OTUD7A: variants seen among roughly 807,000 people sequenced by gnomAD.
The protein encoded by OTUD7A is OTU deubiquitinase 7A.
In OTUD7A, 12 loss-of-function variants were observed where a neutral mutation model predicts 65.7. That is an observed-to-expected ratio of 0.18 (90% CI 0.12 to 0.30). OTUD7A has a LOEUF of 0.30. Ranked by LOEUF, OTUD7A falls within the 10% of genes least tolerant of loss-of-function variation. The pLI is 1.00. For missense variants in OTUD7A, 1,148 were observed against 1,304.8 expected (o/e 0.88, Z 1.85); for synonymous variants, 641 against 586.3 (o/e 1.09, Z -1.35).
chr15:31,728,547 G>A (rs1157555917), intron 1 of OTUD7A, among the ~76,000 whole-genome samples: 2 of 152,194 alleles, frequency 1.3e-5, no homozygotes, highest in Non-Finnish European at 2.9e-5. Context: ...CTCTACGCAT[G>A]ACCTTTCTTT....
chr15:31,781,439 T>C (rs992992270), intron 1 of OTUD7A, among the ~76,000 whole-genome samples: 12 of 152,174 alleles, frequency 7.9e-5, no homozygotes, highest in African/African-American at 2.4e-4. Context: ...CCAGACATCA[T>C]GGACCACACA....
intron 10 of OTUD7A, among the ~76,000 whole-genome samples, chr15:31,499,644 G>A (rs951206424): frequency 6.6e-6 from 1 of 152,268 alleles, no homozygotes; most frequent in Non-Finnish European, 1.5e-5. Context: ...GTGACAAAGA[G>A]CGTGGCCATG....
intron 3 of OTUD7A, among the ~76,000 whole-genome samples, chr15:31,629,186 T>G (rs1891061443): frequency 6.6e-6 from 1 of 152,206 alleles, no homozygotes; most frequent in Admixed American, 6.5e-5. Context: ...TCAAAGGGAA[T>G]GCTTCCAGTT....
intron 10 of OTUD7A, among the ~76,000 whole-genome samples, chr15:31,497,370 C>T (rs541426111): frequency 6.6e-6 from 1 of 152,146 alleles, no homozygotes; most frequent in Non-Finnish European, 1.5e-5. Flanking sequence ...CTGTCACAGC[C>T]TCCTGAGTAG....
At chr15:31,817,325 G>C (rs897843948) in intron 1 of OTUD7A, among the ~76,000 whole-genome samples, 5 of 146,866 alleles carry the variant, frequency 3.4e-5, no homozygotes, top group African/African-American at 1.3e-4. Context: ...TGAAAGTCTA[G>C]AGAAGCATCC....
chr15:31,808,038 C>T (rs1449165908), intron 1 of OTUD7A, among the ~76,000 whole-genome samples: 1 of 150,144 alleles, frequency 6.7e-6, no homozygotes, highest in African/African-American at 2.4e-5. Context: ...GAGGAGGGGC[C>T]AGAAGAGAGA....
At position 31,483,428 on chromosome 15, in the gene OTUD7A, G is replaced by C. The variant is rs1361182044; in HGVS notation, c.2668C>G (p.Pro890Ala). 1.5e-6 allele frequency: 2 copies of C among 1,371,738 alleles called. No homozygotes were observed. Among genetic ancestry groups the C allele is most frequent in the African/African-American group, 1.5e-5 (1 of 64,590 alleles). 85.0% of individuals were successfully genotyped at this position (1,371,738 alleles called of 1,614,324 possible). The change falls in exon 13 of 13, where the codon CCG (proline) becomes GCG (alanine). Residue 890 changes from proline to alanine, a missense_variant. By Grantham distance (27) the Pro-to-Ala change is conservative. Coordinates refer to ENST00000307050, the MANE Select transcript of OTUD7A (RefSeq NM_001382637.1). Reference protein sequence around the residue: ...RSNGECGRGGPGPVQRRCQRE... With the variant: ...RSNGECGRGGAGPVQRRCQRE... ...TGGCAGCGCCGCTGCACCGGCCCCG[G>C]GCCGCCACGGCCGCACTCACCGTTC...
At chr15:31,601,809 G>C (rs1890084794) in intron 3 of OTUD7A, among the ~76,000 whole-genome samples, 2 of 152,002 alleles carry the variant, frequency 1.3e-5, no homozygotes, top group Admixed American at 6.6e-5. Context: ...CAAACTACCA[G>C]AGAATACTAT....
intron 5 of OTUD7A, among the ~76,000 whole-genome samples, chr15:31,553,099 C>A (rs115488250): frequency 9.7e-4 from 147 of 152,246 alleles, no homozygotes; most frequent in African/African-American, 3.4e-3. Context: ...CACAGTCAAA[C>A]CCAGCGGTCA....
chr15:31,486,807 C>G (rs913696622), intron 12 of OTUD7A, among the ~76,000 whole-genome samples: 1 of 152,286 alleles, frequency 6.6e-6, no homozygotes, highest in Non-Finnish European at 1.5e-5. Flanking sequence ...GTGTTCTGAT[C>G]TTAGCAGATA....
At chr15:31,710,225 T>G (rs1016809519) in intron 1 of OTUD7A, among the ~76,000 whole-genome samples, 2 of 149,436 alleles carry the variant, frequency 1.3e-5, no homozygotes, top group African/African-American at 4.9e-5. Flanking sequence ...ACATCTGTCT[T>G]TTTTGTAATC....
chr15:31,766,369 A>G (rs1174399128), intron 1 of OTUD7A: 59 of 1,589,210 alleles, frequency 3.7e-5, no homozygotes, highest in Non-Finnish European at 4.6e-5. Context: ...AACAAACAAC[A>G]TAACTGTAGA....
At chr15:31,862,166 C>A (rs1897758885) in intron 1 of OTUD7A, among the ~76,000 whole-genome samples, 1 of 152,214 alleles carries the variant, frequency 6.6e-6, no homozygotes, top group Non-Finnish European at 1.5e-5. Context: ...GAATGCTATT[C>A]TTTTCCTCTC....
At chr15:31,793,696 T>C (rs562726231) in intron 1 of OTUD7A, among the ~76,000 whole-genome samples, 1 of 152,364 alleles carries the variant, frequency 6.6e-6, no homozygotes, top group African/African-American at 2.4e-5. Context: ...TAAAAGACCA[T>C]TTGATTGCCT....
chr15:31,810,402 G>C (rs577026766), intron 1 of OTUD7A, among the ~76,000 whole-genome samples: 27 of 152,262 alleles, frequency 1.8e-4, no homozygotes, highest in African/African-American at 6.0e-4. Flanking sequence ...GTATAAATGA[G>C]GTCATAATGG....
chr15:31,643,007 T>TA (rs1282989376), intron 3 of OTUD7A, among the ~76,000 whole-genome samples: 2 of 152,084 alleles, frequency 1.3e-5, no homozygotes, highest in African/African-American at 4.8e-5. Flanking sequence ...CTAATAGAGG[T>TA]GTTTAACTTA....
At chr15:31,836,394 T>G (rs1897055991) in intron 1 of OTUD7A, among the ~76,000 whole-genome samples, 1 of 152,210 alleles carries the variant, frequency 6.6e-6, no homozygotes. Flanking sequence ...CTTTGCACTT[T>G]TCATGAACTT....
rs2041068125 is a variant in OTUD7A at position 31,478,890 on chromosome 15, G to A, written c.*4404C>T. On this transcript the variant is annotated 3_prime_UTR_variant, in exon 13 of 13. Coordinates refer to ENST00000307050, the MANE Select transcript of OTUD7A (RefSeq NM_001382637.1). The stretch of plus-strand genomic sequence containing the variant: ...GGCCTCTCTATCGTGAACTACCCAG[G>A]ACCCACTCCCGAGTCAGTGAGGCAG... 6.6e-6 allele frequency: 1 copy of A among 152,358 alleles called. No individual in the cohort carries two copies. The highest frequency in any genetic ancestry group is 2.4e-5 in the African/African-American group (1 of 41,438). The allele number at this position is 152,358 out of a possible 1,614,324, so 9.4% of individuals were successfully genotyped here. A position where few individuals can be genotyped will look rare whatever the true frequency, so the allele number is the denominator to read the frequency against.
intron 1 of OTUD7A, among the ~76,000 whole-genome samples, chr15:31,658,380 C>T (rs1000362618): frequency 6.6e-6 from 1 of 152,156 alleles, no homozygotes; most frequent in African/African-American, 2.4e-5. Context: ...CCTCTAGTGC[C>T]TTGGCTTGGA....
Sources: gnomAD v4.1 joint callset for allele counts (sites outside exome capture counted in the v4.1 genomes callset) on GRCh38, gnomAD v4.1.1 for gene constraint, MANE v1.5 for transcripts, NCBI Gene and HGNC (gene_info 2026-07-23, HGNC 2026-07-21) for gene names.